CFAP299: variants seen among roughly 807,000 people sequenced by gnomAD.
CFAP299 encodes the protein cilia and flagella associated protein 299.
In CFAP299, 21 loss-of-function variants were observed where a neutral mutation model predicts 27.0. The observed-to-expected ratio is 0.78, with a 90% CI of 0.55 to 1.12. CFAP299 has a LOEUF of 1.12. Among genes scored for constraint, CFAP299 ranks in the 50% most tolerant of loss-of-function variants. The pLI is 0.00. For synonymous variants in CFAP299, 104 were observed against 98.1 expected (o/e 1.06, Z -0.36); for missense variants, 310 against 276.6 (o/e 1.12, Z -0.86).
intron 3 of CFAP299, among the ~76,000 whole-genome samples, chr4:80,869,670 C>T (rs952671607): frequency 6.6e-6 from 1 of 152,080 alleles, no homozygotes; most frequent in African/African-American, 2.4e-5. Flanking sequence ...CCCTCCACCA[C>T]GCCCGGCTAA....
intron 3 of CFAP299, among the ~76,000 whole-genome samples, chr4:80,843,592 C>A (rs2110140888): frequency 6.6e-6 from 1 of 152,050 alleles, no homozygotes; most frequent in South Asian, 2.1e-4. Context: ...TGGGTATATA[C>A]CCAGTAACGG....
intron 3 of CFAP299, among the ~76,000 whole-genome samples, chr4:80,633,839 A>G (rs1268547857): frequency 2.6e-5 from 4 of 152,174 alleles, no homozygotes. Context: ...TTTCCTGAAA[A>G]TAGTCTTAAT....
intron 3 of CFAP299, among the ~76,000 whole-genome samples, chr4:80,853,393 T>A (rs1309847690): frequency 2.0e-5 from 3 of 152,174 alleles, no homozygotes; most frequent in African/African-American, 7.2e-5. Flanking sequence ...ATATAGCTGC[T>A]GTGAACAAAA....
intron 2 of CFAP299, among the ~76,000 whole-genome samples, chr4:80,517,389 A>G (rs1229264515): frequency 1.3e-5 from 2 of 152,182 alleles, no homozygotes; most frequent in African/African-American, 4.8e-5. Context: ...ATTCCAAACC[A>G]TGGGAAGAGA....
At chr4:80,858,412 G>T (rs1005162722) in intron 3 of CFAP299, among the ~76,000 whole-genome samples, 5 of 152,000 alleles carry the variant, frequency 3.3e-5, no homozygotes, top group Non-Finnish European at 7.4e-5. Context: ...ATTTCCTTCA[G>T]TTCTGCTCTG....
intron 1 of CFAP299, among the ~76,000 whole-genome samples, chr4:80,337,046 C>T (rs1722181235): frequency 6.6e-6 from 1 of 152,158 alleles, no homozygotes; most frequent in African/African-American, 2.4e-5. Flanking sequence ...TCCAATATAG[C>T]TCCTGGCTTC....
intron 3 of CFAP299, among the ~76,000 whole-genome samples, chr4:80,665,911 G>A (rs371889472): frequency 3.3e-5 from 5 of 151,986 alleles, no homozygotes; most frequent in African/African-American, 7.3e-5. Context: ...CTCCTGCCAC[G>A]TGAGATGCCT....
At chr4:80,386,162 G>T in intron 2 of CFAP299, 1 of 603,472 alleles carries the variant, frequency 1.7e-6, no homozygotes, top group South Asian at 3.5e-5. Flanking sequence ...CCCAGGAAAC[G>T]AACACCCCGG....
At chr4:80,447,822 C>T (rs1728720815) in intron 2 of CFAP299, among the ~76,000 whole-genome samples, 1 of 152,170 alleles carries the variant, frequency 6.6e-6, no homozygotes, top group Non-Finnish European at 1.5e-5. Flanking sequence ...CCATCCCCAT[C>T]CCCGCTTTTC....
intron 3 of CFAP299, among the ~76,000 whole-genome samples, chr4:80,636,655 G>T (rs1429127017): frequency 1.3e-5 from 2 of 152,166 alleles, no homozygotes; most frequent in African/African-American, 4.8e-5. Context: ...TTTATGACTT[G>T]TATAATACCT....
chr4:80,435,206 C>A (rs986496624), intron 2 of CFAP299, among the ~76,000 whole-genome samples: 25 of 152,126 alleles, frequency 1.6e-4, no homozygotes, highest in African/African-American at 4.6e-4. Context: ...GCTCAATGCC[C>A]TGCCAGATTT....
At chr4:80,872,246 G>C (rs1733136808) in intron 4 of CFAP299, 1 of 152,068 alleles carries the variant, frequency 6.6e-6, no homozygotes, top group South Asian at 2.1e-4. Flanking sequence ...CGATCAGTAG[G>C]TTCAAGTGGT....
At chr4:80,497,202 C>G (rs1731493852) in intron 2 of CFAP299, among the ~76,000 whole-genome samples, 1 of 152,112 alleles carries the variant, frequency 6.6e-6, no homozygotes, top group African/African-American at 2.4e-5. Flanking sequence ...CTCAGGAGTT[C>G]AAGGCTGCAG....
At chr4:80,859,099 T>C (rs1204264182) in intron 3 of CFAP299, among the ~76,000 whole-genome samples, 2 of 152,326 alleles carry the variant, frequency 1.3e-5, no homozygotes, top group East Asian at 3.9e-4. Flanking sequence ...TGCTCCTGTA[T>C]TGGGTGCATA....
chr4:80,853,495 A>C (rs1168344850), intron 3 of CFAP299, among the ~76,000 whole-genome samples: 1 of 152,234 alleles, frequency 6.6e-6, no homozygotes, highest in Admixed American at 6.5e-5. Context: ...AAATTTTAGC[A>C]GAAATCTATA....
chr4:80,386,799 A>G (rs776164864), intron 2 of CFAP299: 2 of 1,068,966 alleles, frequency 1.9e-6, no homozygotes, highest in Non-Finnish European at 2.9e-6. Context: ...GTGTGCGTCG[A>G]TAAAGGGCAT....
At chr4:80,798,360 GC>G (rs1353203112) in intron 3 of CFAP299, among the ~76,000 whole-genome samples, 1 of 152,070 alleles carries the variant, frequency 6.6e-6, no homozygotes, top group Non-Finnish European at 1.5e-5. Flanking sequence ...AGGGGATATT[GC>G]CACTACTAGG....
chr4:80,865,603 T>A (rs975574485), intron 3 of CFAP299, among the ~76,000 whole-genome samples: 2 of 152,210 alleles, frequency 1.3e-5, no homozygotes, highest in African/African-American at 4.8e-5. Flanking sequence ...AATAATTTAA[T>A]AAAGCATTGT....
In CFAP299 at chr4:80,882,637, C is replaced by CAAA. The variant is rs36077837; in HGVS notation, c.476+12512_476+12514dup. Among the ~76,000 whole-genome samples, 12 of 124,452 alleles carry CAAA rather than the reference C, an allele frequency of 9.6e-5. No homozygotes were observed. The South Asian group carries it at 1.0e-3, about 11-fold the overall frequency. The allele number at this position is 124,452 out of a possible 152,430, so 81.6% of individuals were successfully genotyped here. A position where few individuals can be genotyped will look rare whatever the true frequency, so the allele number is the denominator to read the frequency against. On this transcript the variant is annotated intron_variant, in intron 4 of 5. Coordinates refer to ENST00000358105, the MANE Select transcript of CFAP299 (RefSeq NM_152770.3). ...TGGGCAAAAGAGCGAGACTCCGTCT[C>CAAA]AAAAAAAAAAAATTGAAAAAAAAAG...
Sources: allele counts gnomAD v4.1 joint callset (sites outside exome capture counted in the v4.1 genomes callset), GRCh38; gene constraint gnomAD v4.1.1; transcripts MANE v1.5; gene names NCBI Gene and HGNC (gene_info 2026-07-23, HGNC 2026-07-21).